COL21A1: variants seen among roughly 807,000 people sequenced by gnomAD.
COL21A1 encodes the protein collagen alpha-1(XXI) chain.
Under a neutral mutation model 137.9 loss-of-function variants are expected in COL21A1, and 149 were observed. The ratio of observed to expected loss-of-function variants is 1.08; its 90% CI spans 0.95 to 1.24. COL21A1 has a LOEUF of 1.24. Ranked by LOEUF, COL21A1 falls within the 50% of genes most tolerant of loss-of-function variation. COL21A1 has a pLI of 0.00. For missense variants in COL21A1, 1,167 were observed against 1,158.4 expected, an observed-to-expected ratio of 1.01 and a Z score of -0.11; for synonymous variants, 456 against 391.5, an observed-to-expected ratio of 1.16 and a Z score of -1.95.
intron 7 of COL21A1, 90 bp from the exon 8 acceptor site, chr6:56,164,912 T>A (rs1776458320): frequency 1.9e-6 from 2 of 1,033,814 alleles, no homozygotes; most frequent in African/African-American, 1.6e-5. Flanking sequence ...ACCATCCAGA[T>A]TAGAGATATA....
intron 10 of COL21A1, among the ~76,000 whole-genome samples, chr6:56,152,986 G>A (rs2764045): frequency 0.017 from 2,658 of 152,210 alleles, 72 homozygotes; most frequent in African/African-American, 0.061. Context: ...TAATTAGGGC[G>A]AAACTCACAT....
chr6:56,346,416 T>C (rs1271906800), intron 1 of COL21A1, among the ~76,000 whole-genome samples: 2 of 152,232 alleles, frequency 1.3e-5, no homozygotes, highest in Non-Finnish European at 2.9e-5. Flanking sequence ...GGTATAGCAA[T>C]AAGCAGTCTC....
At chr6:56,228,823 A>G (rs1390165942) in intron 1 of COL21A1, among the ~76,000 whole-genome samples, 1 of 151,844 alleles carries the variant, frequency 6.6e-6, no homozygotes, top group Non-Finnish European at 1.5e-5. Flanking sequence ...ACTAAAGTAC[A>G]AGAATAACTA....
chr6:56,288,940 T>G (rs1384588721), intron 1 of COL21A1, among the ~76,000 whole-genome samples: 1 of 152,220 alleles, frequency 6.6e-6, no homozygotes, highest in African/African-American at 2.4e-5. Context: ...AAAGTTTTAG[T>G]ATTCTTAAAG....
intron 1 of COL21A1, among the ~76,000 whole-genome samples, chr6:56,360,113 G>A (rs1480296972): frequency 2.0e-5 from 3 of 152,178 alleles, no homozygotes; most frequent in Non-Finnish European, 2.9e-5. Context: ...GGAAGTCCTT[G>A]AAGATACAAT....
At chr6:56,077,884 A>C (rs1255592860) in intron 17 of COL21A1, 2 of 365,340 alleles carry the variant, frequency 5.5e-6, no homozygotes, top group African/African-American at 4.2e-5. Context: ...ATTTGAACAC[A>C]TTCTTGTATT....
chr6:56,112,680 C>CTTTTTTTTTTTT lies in COL21A1; in HGVS notation c.1759-11156_1759-11155insAAAAAAAAAAAA, dbSNP rs777172358. Among the ~76,000 whole-genome samples the CTTTTTTTTTTTT allele has an allele frequency of 3.1e-5, 4 of 129,678 alleles. 1 individual carries two copies. Among genetic ancestry groups the CTTTTTTTTTTTT allele is most frequent in the Non-Finnish European group, 5.0e-5 (3 of 60,564 alleles). 85.1% of individuals were successfully genotyped at this position (129,678 alleles called of 152,430 possible). A position where few individuals can be genotyped will look rare whatever the true frequency, so the allele number is the denominator to read the frequency against. ...CACAGAAGAAGTTTTTTTTTCTTTT[C>CTTTTTTTTTTTT]TTTTTTCTTTTTTTTTTTTTTGAGA... On this transcript the variant is annotated intron_variant, in intron 16 of 29. Coordinates refer to ENST00000244728, the MANE Select transcript of COL21A1 (RefSeq NM_030820.4).
At chr6:56,283,370 G>A (rs1287563849) in intron 1 of COL21A1, among the ~76,000 whole-genome samples, 1 of 151,816 alleles carries the variant, frequency 6.6e-6, no homozygotes, top group Non-Finnish European at 1.5e-5. Flanking sequence ...CATCATAAAG[G>A]TTAAGAGAAA....
At chr6:56,069,315 A>G (rs1766531929) in intron 21 of COL21A1, among the ~76,000 whole-genome samples, 198 bp from the exon 22 acceptor site, 1 of 151,600 alleles carries the variant, frequency 6.6e-6, no homozygotes, top group Non-Finnish European at 1.5e-5. Flanking sequence ...TATCTTTTCC[A>G]GTTGAAAAAT....
chr6:56,224,077 T>C (rs2152314009), intron 1 of COL21A1, among the ~76,000 whole-genome samples: 1 of 152,228 alleles, frequency 6.6e-6, no homozygotes, highest in East Asian at 1.9e-4. Context: ...AGTACCCTTT[T>C]TATAAGACTG....
intron 1 of COL21A1, among the ~76,000 whole-genome samples, chr6:56,376,356 G>T (rs914546586): frequency 6.6e-6 from 1 of 152,148 alleles, no homozygotes; most frequent in Non-Finnish European, 1.5e-5. Flanking sequence ...GAGGAGGCAG[G>T]ATGAGAAGAC....
intron 1 of COL21A1, among the ~76,000 whole-genome samples, chr6:56,311,512 TC>T (rs1228145404): frequency 2.6e-5 from 4 of 152,334 alleles, no homozygotes; most frequent in African/African-American, 9.6e-5. Context: ...AAGTAACTTT[TC>T]TTTAAATGGA....
At chr6:56,154,638 A>C (rs949328979) in intron 10 of COL21A1, among the ~76,000 whole-genome samples, 1 of 152,150 alleles carries the variant, frequency 6.6e-6, no homozygotes, top group African/African-American at 2.4e-5. Flanking sequence ...CCTCCTGCAT[A>C]GTCTCCTTTC....
chr6:56,369,174 T>A (rs181905433), intron 1 of COL21A1, among the ~76,000 whole-genome samples: 5 of 152,246 alleles, frequency 3.3e-5, no homozygotes, highest in African/African-American at 1.2e-4. Context: ...GTAAAAGTGT[T>A]ATTTTAATCA....
chr6:56,065,694 A>G (rs1312339158), intron 23 of COL21A1, among the ~76,000 whole-genome samples: 2 of 151,964 alleles, frequency 1.3e-5, no homozygotes, highest in African/African-American at 4.8e-5. Flanking sequence ...TCTTTTGGCT[A>G]TAGCAGCAGA....
rs771436346 is a variant in COL21A1, at chr6:56,077,528, C to A, written c.1857+1G>T. On this transcript the variant is annotated splice_donor_variant, in intron 18 of 29. Transcript: ENST00000244728. LOFTEE classifies it high-confidence loss of function. ...CAAAGCTAACTCTCATGAATACTTA[C>A]CTTTTGGCCCATTAATCCTCGGTTT... The A allele has an allele frequency of 3.2e-6, 5 of 1,573,456 alleles. No individual in the cohort carries two copies. Among genetic ancestry groups the A allele is most frequent in the African/African-American group, 1.4e-5 (1 of 73,402 alleles).
At chr6:56,128,055 G>A (rs1314210381) in intron 12 of COL21A1, among the ~76,000 whole-genome samples, 1 of 152,148 alleles carries the variant, frequency 6.6e-6, no homozygotes, top group Admixed American at 6.5e-5. Context: ...CAATTGTGCT[G>A]GAAGGTCTTT....
At chr6:56,365,833 C>A (rs1766086054) in intron 1 of COL21A1, among the ~76,000 whole-genome samples, 1 of 152,192 alleles carries the variant, frequency 6.6e-6, no homozygotes, top group South Asian at 2.1e-4. Flanking sequence ...ACAACCACTT[C>A]TTTCCAAGCC....
chr6:56,351,503 C>G (rs994376), intron 1 of COL21A1, among the ~76,000 whole-genome samples: 54,263 of 152,054 alleles, frequency 0.36, 10,478 homozygotes, highest in East Asian at 0.72. Flanking sequence ...GAGCTAGAGA[C>G]TATTGCTGAA....
Sources: gnomAD v4.1 joint callset for allele counts (sites outside exome capture counted in the v4.1 genomes callset) on GRCh38, gnomAD v4.1.1 for gene constraint, MANE v1.5 for transcripts, NCBI Gene and HGNC (gene_info 2026-07-23, HGNC 2026-07-21) for gene names.